The following FBXW10B variants were observed in gnomAD, a reference collection of about 807,000 sequenced individuals.
FBXW10B encodes the protein F-box and WD repeat domain containing protein 10B.
At chr17:15,603,406 T>C in the FBXW10B span, among the ~76,000 whole-genome samples, 1 of 152,096 alleles carries the variant, frequency 6.6e-6, no homozygotes, top group Non-Finnish European at 1.5e-5. Flanking sequence ...CCTATGTATA[T>C]ACACATTGTA....
the FBXW10B span, among the ~76,000 whole-genome samples, chr17:15,581,023 G>A: frequency 3.9e-5 from 6 of 152,118 alleles, no homozygotes; most frequent in South Asian, 1.2e-3. Flanking sequence ...GTAGAAACCC[G>A]CCTTCCCTAT....
At chr17:15,588,522 C>G in the FBXW10B span, 4 of 233,494 alleles carry the variant, frequency 1.7e-5, no homozygotes, top group Non-Finnish European at 3.4e-5. Context: ...ATGATCATTT[C>G]TCTTATAGAG....
At chr17:15,607,488 T>C in the FBXW10B span, 8 of 1,209,302 alleles carry the variant, frequency 6.6e-6, no homozygotes, top group South Asian at 1.1e-4. Flanking sequence ...TGCCTTTCCA[T>C]GTACACAAAG....
chr17:15,578,536 A>T, the FBXW10B span, among the ~76,000 whole-genome samples: 12 of 152,192 alleles, frequency 7.9e-5, no homozygotes, highest in Non-Finnish European at 1.3e-4. Flanking sequence ...GGCAGATCAG[A>T]GAATTCAACT....
At chr17:15,602,369 G>A in the FBXW10B span, among the ~76,000 whole-genome samples, 854 of 152,082 alleles carry the variant, frequency 5.6e-3, 3 homozygotes, top group Non-Finnish European at 9.1e-3. Flanking sequence ...CTGTGGGGGA[G>A]AAACTGCTCA....
the FBXW10B span, chr17:15,614,159 A>G: frequency 1.6e-6 from 2 of 1,231,028 alleles, no homozygotes; most frequent in Non-Finnish European, 2.2e-6. Context: ...TTAGGCCACT[A>G]GATTTTTGTC....
the FBXW10B span, among the ~76,000 whole-genome samples, chr17:15,617,520 C>A: frequency 6.6e-6 from 1 of 152,128 alleles, no homozygotes; most frequent in Non-Finnish European, 1.5e-5. Context: ...TGAAATGTGA[C>A]CCCCAATGCT....
At chr17:15,593,556 G>A in the FBXW10B span, 1 of 1,592,738 alleles carries the variant, frequency 6.3e-7, no homozygotes, top group Non-Finnish European at 8.6e-7. Context: ...GGGTTTGTTT[G>A]TAGGTTGGGA....
At chr17:15,610,432 T>C in the FBXW10B span, among the ~76,000 whole-genome samples, 1 of 152,148 alleles carries the variant, frequency 6.6e-6, no homozygotes, top group Non-Finnish European at 1.5e-5. Context: ...GCTGCAGGCA[T>C]ACCCCCAAGT....
the FBXW10B span, chr17:15,619,657 G>A: frequency 3.4e-6 from 5 of 1,488,802 alleles, no homozygotes; most frequent in Non-Finnish European, 4.5e-6. Flanking sequence ...GTAAATGGCT[G>A]CCATGGATGG....
chr17:15,581,886 AC>A, the FBXW10B span, among the ~76,000 whole-genome samples: 4 of 150,242 alleles, frequency 2.7e-5, no homozygotes, highest in Admixed American at 6.7e-5. Flanking sequence ...GAGCCCAGAG[AC>A]ACCCAAGAAG....
chr17:15,604,580 T>G, the FBXW10B span, among the ~76,000 whole-genome samples: 1 of 152,068 alleles, frequency 6.6e-6, no homozygotes, highest in South Asian at 2.1e-4. Flanking sequence ...TGTCGCCCAG[T>G]CTGGAGTGCA....
the FBXW10B span, among the ~76,000 whole-genome samples, chr17:15,579,146 A>AAAAT: frequency 0.17 from 24,447 of 144,774 alleles, 4,530 homozygotes; most frequent in East Asian, 0.45. Flanking sequence ...CCCATTTCTT[A>AAAAT]AAATAAATAA....
the FBXW10B span, among the ~76,000 whole-genome samples, chr17:15,604,584 G>A: frequency 1.3e-4 from 20 of 152,150 alleles, no homozygotes; most frequent in Admixed American, 1.3e-3. Flanking sequence ...GCCCAGTCTG[G>A]AGTGCAGTGG....
the FBXW10B span, among the ~76,000 whole-genome samples, chr17:15,612,450 C>G: frequency 6.6e-6 from 1 of 152,014 alleles, no homozygotes; most frequent in Admixed American, 6.6e-5. Context: ...GGAGGCGGAG[C>G]TTGCAGTGAG....
chr17:15,582,489 ATT>A, the FBXW10B span, among the ~76,000 whole-genome samples: 7 of 152,250 alleles, frequency 4.6e-5, no homozygotes, highest in Admixed American at 4.6e-4. Context: ...TAATTGATAT[ATT>A]CTCTCTTTAT....
the FBXW10B span, chr17:15,596,590 T>C: frequency 1.2e-5 from 20 of 1,612,202 alleles, no homozygotes; most frequent in African/African-American, 2.0e-4. Context: ...GTAGGTATCA[T>C]TGATCCTGGT....
At chr17:15,599,720 C>T in the FBXW10B span, among the ~76,000 whole-genome samples, 1 of 151,760 alleles carries the variant, frequency 6.6e-6, no homozygotes, top group Non-Finnish European at 1.5e-5. Flanking sequence ...GAACACTTGC[C>T]CAAGGTCTCT....
the FBXW10B span, chr17:15,619,583 C>T: frequency 3.2e-5 from 50 of 1,541,090 alleles, no homozygotes; most frequent in Non-Finnish European, 4.3e-5. Flanking sequence ...ACTAGAGGAA[C>T]GGGGGGAAAT....
Sources: allele counts gnomAD v4.1 joint callset (sites outside exome capture counted in the v4.1 genomes callset), GRCh38; gene constraint gnomAD v4.1.1; transcripts MANE v1.5; gene names NCBI Gene and HGNC (gene_info 2026-07-23, HGNC 2026-07-21).